PCNT: variants seen among roughly 807,000 people sequenced by gnomAD.
The protein encoded by PCNT is kendrin.
PCNT carries 319 observed loss-of-function variants against 380.4 expected under a neutral mutation model. The ratio of observed to expected loss-of-function variants is 0.84; its 90% CI spans 0.77 to 0.92. The LOEUF is 0.92. PCNT is among the 40% of genes least tolerant of loss of function. PCNT has a pLI of 0.00. For synonymous variants in PCNT, 1,845 were observed against 1,735.2 expected (o/e 1.06, Z -1.57); for missense variants, 4,400 against 4,255.3 (o/e 1.03, Z -0.95).
intron 9 of PCNT, 24 bp downstream of exon 9, chr21:46,351,564 C>T: frequency 8.3e-6 from 11 of 1,319,058 alleles, no homozygotes; most frequent in Non-Finnish European, 1.1e-5. Context: ...TTGGAAAATT[C>T]AGATCCTCAA....
chr21:46,350,540 C>A (rs1208216656), intron 8 of PCNT, among the ~76,000 whole-genome samples: 1 of 152,154 alleles, frequency 6.6e-6, no homozygotes, highest in Non-Finnish European at 1.5e-5. Flanking sequence ...AACTGAGTAT[C>A]CCAAGAATCA....
In PCNT at chr21:46,401,731, G is replaced by T; in HGVS notation, c.4962+10G>T. 6.2e-7 allele frequency: 1 copy of T among 1,613,934 alleles called. No individual in the cohort carries two copies. ...GCGGCGCGAGAGCGAGGTGAGTGCA[G>T]AGTGGGGCCATGGGACTGCCAGCCC... is the stretch of plus-strand genomic sequence containing the variant. On this transcript the variant is annotated intron_variant, in intron 26 of 46. Transcript: ENST00000359568.
In PCNT at chr21:46,354,028, G is replaced by A. The variant is rs768086381; in HGVS notation, c.1721G>A (p.Arg574Lys). The A allele has an allele frequency of 6.2e-7, 1 of 1,614,162 alleles. No individual in the cohort carries two copies. Among genetic ancestry groups the A allele is most frequent in the Admixed American group, 1.7e-5 (1 of 60,028 alleles). Reference sequence around the variant, plus strand: ...TTAGAAGAGAAACCTGAGAAAGGAAGAAAAGATCACGTTGATGAACTCGAG... The same window carrying A: ...TTAGAAGAGAAACCTGAGAAAGGAAAAAAAGATCACGTTGATGAACTCGAG... Reference protein sequence around the residue: ...VGLEEKPEKGRKDHVDELEPE... With the variant: ...VGLEEKPEKGKKDHVDELEPE... The change falls in exon 11 of 47, where the codon AGA becomes AAA. Residue 574 changes from arginine (R) to lysine (K), a missense_variant. By Grantham distance (26) the Arg-to-Lys change is conservative. Transcript: ENST00000359568.
chr21:46,427,095 C>T (rs1456910839), intron 33 of PCNT, among the ~76,000 whole-genome samples: 1 of 152,234 alleles, frequency 6.6e-6, no homozygotes, highest in Admixed American at 6.5e-5. Context: ...TAGGTCCCCT[C>T]CAGGCCCTGG....
chr21:46,387,218 G>T (rs1445296238), intron 17 of PCNT, among the ~76,000 whole-genome samples: 1 of 152,232 alleles, frequency 6.6e-6, no homozygotes, highest in Non-Finnish European at 1.5e-5. Context: ...CCATCCGTGT[G>T]TGGGGGGTGT....
chr21:46,355,653 G>A, intron 12 of PCNT, 27 bp downstream of exon 12: 1 of 1,611,730 alleles, frequency 6.2e-7, no homozygotes, highest in East Asian at 2.2e-5. Flanking sequence ...TCGCCATGGT[G>A]TCGGCAGGTC....
In PCNT at chr21:46,388,621, G is replaced by T; in HGVS notation, c.3465-121G>T. On this transcript the variant is annotated intron_variant, in intron 17 of 46. Coordinates refer to ENST00000359568, the MANE Select transcript of PCNT (RefSeq NM_006031.6). This position sits in a 1 kb window ranked among gnomAD's most constrained non-coding sequence, Gnocchi z 4.2. ...CATGAGGATCATGTCTTCCGGCCCCGTGGGGACAGGCAGCCGTGGGCCGAG... is the reference window on the plus strand; with the variant it reads ...CATGAGGATCATGTCTTCCGGCCCCTTGGGGACAGGCAGCCGTGGGCCGAG... 2.1e-5 allele frequency: 27 copies of T among 1,274,262 alleles called. No homozygotes were observed. The highest frequency in any genetic ancestry group is 2.8e-5 in the Non-Finnish European group (25 of 886,304). The allele number at this position is 1,274,262 out of a possible 1,614,324, so 78.9% of individuals were successfully genotyped here. A position where few individuals can be genotyped will look rare whatever the true frequency, so the allele number is the denominator to read the frequency against.
intron 15 of PCNT, among the ~76,000 whole-genome samples, chr21:46,372,227 C>T (rs1283448347): frequency 1.3e-5 from 2 of 151,808 alleles, no homozygotes; most frequent in African/African-American, 4.8e-5. Context: ...AGCACATGTG[C>T]ACACACAGCA....
At chr21:46,430,726 C>A in intron 37 of PCNT, 69 bp downstream of exon 37, 1 of 1,541,864 alleles carries the variant, frequency 6.5e-7, no homozygotes, top group Non-Finnish European at 8.7e-7. Context: ...CCATGCTCCT[C>A]TTTCATCCTT....
intron 11 of PCNT, among the ~76,000 whole-genome samples, chr21:46,354,713 C>T (rs1482915455): frequency 6.6e-6 from 1 of 152,184 alleles, no homozygotes; most frequent in Non-Finnish European, 1.5e-5. Flanking sequence ...GGCATCTGGG[C>T]TCAGCGGCCA....
rs1210128953 is a variant in PCNT at position 46,363,848 on chromosome 21, G to C, written c.2523G>C (p.Arg841=). 2 of 1,612,034 alleles carry C rather than the reference G, an allele frequency of 1.2e-6. No homozygotes were observed. The highest frequency in any genetic ancestry group is 4.5e-5 in the East Asian group (2 of 44,880). ...DDALHCSQCG[R]EPPTAQDGEL... Reference sequence around the variant, plus strand: ...CCCTGCATTGCAGCCAGTGTGGGCGGGAGCCGCCCACAGCCCAGGACGGGG... The same window carrying C: ...CCCTGCATTGCAGCCAGTGTGGGCGCGAGCCGCCCACAGCCCAGGACGGGG... Residue 841 remains arginine (R), a synonymous_variant, in exon 14 of 47, where the codon CGG becomes CGC. Transcript: ENST00000359568.
chr21:46,388,999 GGTTTCCTGCTA>G lies in PCNT; in HGVS notation c.3607+122_3607+132del. ...ATGCCCTTGGGAGCACTGCCGTCCT[GGTTTCCTGCTA>G]GTTTCCGCACTTACAGAAGGCCGAG... On this transcript the variant is annotated intron_variant, in intron 18 of 46. Transcript: ENST00000359568. The surrounding 1 kb of genome is among the most constrained non-coding windows in gnomAD (Gnocchi z 4.2). 1 of 1,461,768 alleles carries G rather than the reference GGTTTCCTGCTA, an allele frequency of 6.8e-7. No individual in the cohort carries two copies. The highest frequency in any genetic ancestry group is 1.2e-5 in the South Asian group (1 of 82,090). The allele number at this position is 1,461,768 out of a possible 1,614,324, so 90.5% of individuals were successfully genotyped here. A position where few individuals can be genotyped will look rare whatever the true frequency, so the allele number is the denominator to read the frequency against.
chr21:46,434,704 C>T (rs1462914240), intron 38 of PCNT, among the ~76,000 whole-genome samples: 1 of 152,364 alleles, frequency 6.6e-6, no homozygotes, highest in East Asian at 1.9e-4. Flanking sequence ...AAGGCTGCTG[C>T]TCCTTGAGGT....
chr21:46,351,508 A>T lies in PCNT; in HGVS notation c.1424A>T (p.Asp475Val). The change falls in exon 9 of 47, where the codon GAT (aspartate) becomes GTT (valine). Residue 475 changes from aspartate to valine, a missense_variant. Physicochemically the swap from Asp to Val is radical, Grantham distance 152 (BLOSUM62 -3). Coordinates refer to ENST00000359568, the MANE Select transcript of PCNT (RefSeq NM_006031.6). ...ATCAGGCGCTTGTGGTCCCAGCTTG[A>T]TTCTGCCAGGACCAGTAGACAGGAA... ...EEIRRLWSQL[D>V]SARTSRQELS... is the part of the protein sequence containing the mutation. The T allele has an allele frequency of 3.1e-6, 5 of 1,611,582 alleles. No homozygotes were observed. Among genetic ancestry groups the T allele is most frequent in the South Asian group, 1.1e-5 (1 of 91,052 alleles).
At chr21:46,351,246 C>T (rs960511253) in intron 8 of PCNT, among the ~76,000 whole-genome samples, 183 bp from the exon 9 acceptor site, 1 of 152,166 alleles carries the variant, frequency 6.6e-6, no homozygotes, top group Non-Finnish European at 1.5e-5. Context: ...GCTGACCGAT[C>T]CCTCTTGTCA....
chr21:46,440,610 G>A (rs2053582975), intron 42 of PCNT, among the ~76,000 whole-genome samples: 1 of 152,228 alleles, frequency 6.6e-6, no homozygotes, highest in Non-Finnish European at 1.5e-5. Flanking sequence ...CTTCATAGGG[G>A]CTCATTTGAT....
chr21:46,410,241 A>G lies in PCNT; in HGVS notation c.5116-948A>G, dbSNP rs989629980. Among the ~76,000 whole-genome samples the G allele has an allele frequency of 2.0e-5, 3 of 152,154 alleles. No homozygotes were observed. The East Asian group carries it at 5.8e-4, about 29-fold the overall frequency. The stretch of plus-strand genomic sequence containing the variant: ...GTTCATCGGTGGTAAATGCATAGGA[A>G]GGTGTTGTTGACAGCGTCCAAACCA... On this transcript the variant is annotated intron_variant, in intron 27 of 46. Coordinates refer to ENST00000359568, the MANE Select transcript of PCNT (RefSeq NM_006031.6).
intron 6 of PCNT, 144 bp downstream of exon 6, chr21:46,347,656 C>T (rs1008622997): frequency 3.9e-6 from 3 of 770,222 alleles, no homozygotes; most frequent in Non-Finnish European, 6.8e-6. Flanking sequence ...AAGTGTATTG[C>T]GTTCTTTGTT....
rs879371141 is a variant in PCNT at position 46,353,757 on chromosome 21, A to T, written c.1680-230A>T. Among the ~76,000 whole-genome samples the T allele has an allele frequency of 6.9e-3, 947 of 137,522 alleles. 8 individuals are homozygous for T. Among genetic ancestry groups the T allele is most frequent in the South Asian group, 0.016 (71 of 4,322 alleles). The allele number at this position is 137,522 out of a possible 152,430, so 90.2% of individuals were successfully genotyped here. A position where few individuals can be genotyped will look rare whatever the true frequency, so the allele number is the denominator to read the frequency against. ...GTGTGTGTGTGTGTGTGTGTGAGAG[A>T]GACAGAGAGAGAGTCAGTGGCGGGC... is the stretch of plus-strand genomic sequence containing the variant. On this transcript the variant is annotated intron_variant, in intron 10 of 46. Coordinates refer to ENST00000359568, the MANE Select transcript of PCNT (RefSeq NM_006031.6).
Sources: allele counts gnomAD v4.1 joint callset (sites outside exome capture counted in the v4.1 genomes callset), GRCh38; gene constraint gnomAD v4.1.1; non-coding constraint Gnocchi (gnomAD v3.1); transcripts MANE v1.5; gene names NCBI Gene and HGNC (gene_info 2026-07-23, HGNC 2026-07-21).